ZFAND3: variants seen among roughly 807,000 people sequenced by gnomAD.
The protein encoded by ZFAND3 is AN1-type zinc finger protein 3.
Under a neutral mutation model 29.6 loss-of-function variants are expected in ZFAND3, and 10 were observed. The observed-to-expected ratio is 0.34, with a 90% CI of 0.21 to 0.57. The LOEUF is 0.57. Among genes scored for constraint, ZFAND3 ranks in the 20% least tolerant of loss-of-function variants. ZFAND3 has a pLI of 0.86. For missense variants in ZFAND3, 230 were observed against 304.5 expected (o/e 0.76, Z 1.82); for synonymous variants, 128 against 112.6 (o/e 1.14, Z -0.87).
At chr6:37,928,676 A>G (rs1761536278) in intron 1 of ZFAND3, among the ~76,000 whole-genome samples, 1 of 151,978 alleles carries the variant, frequency 6.6e-6, no homozygotes, top group Non-Finnish European at 1.5e-5. Flanking sequence ...CACCTCTCCC[A>G]GCTAATTTTT....
chr6:37,981,140 TC>T (rs1356750112), intron 2 of ZFAND3, among the ~76,000 whole-genome samples: 2 of 152,244 alleles, frequency 1.3e-5, no homozygotes, highest in Non-Finnish European at 2.9e-5. Flanking sequence ...AGCTGGTAGT[TC>T]CAGCCTAGAG....
chr6:38,094,199 AG>A (rs1561996650), intron 4 of ZFAND3, among the ~76,000 whole-genome samples: 1 of 152,158 alleles, frequency 6.6e-6, no homozygotes, highest in Non-Finnish European at 1.5e-5. Flanking sequence ...GGTATAAGGA[AG>A]GAACTATTGT....
At chr6:38,063,244 T>A (rs1394442062) in intron 3 of ZFAND3, among the ~76,000 whole-genome samples, 2 of 152,134 alleles carry the variant, frequency 1.3e-5, no homozygotes, top group Non-Finnish European at 2.9e-5. Context: ...TTTGGTAATA[T>A]CGAGAATATA....
rs114269328 is a variant in ZFAND3 at position 37,997,174 on chromosome 6, G to A, written c.113-64419G>A. ...ATTTTGCATATAAATAGTAGAAAGGGGTTTAGTTATTTATACTGTTTTCTT... is the reference window on the plus strand; with the variant it reads ...ATTTTGCATATAAATAGTAGAAAGGAGTTTAGTTATTTATACTGTTTTCTT... On this transcript the variant is annotated intron_variant, in intron 2 of 5. Transcript: ENST00000287218. Among the ~76,000 whole-genome samples, 980 of 152,218 alleles carry A rather than the reference G, an allele frequency of 6.4e-3. 11 individuals are homozygous for A. The highest frequency in any genetic ancestry group is 0.022 in the African/African-American group (934 of 41,542).
At chr6:37,987,169 G>T (rs1031180450) in intron 2 of ZFAND3, among the ~76,000 whole-genome samples, 2 of 152,184 alleles carry the variant, frequency 1.3e-5, no homozygotes, top group African/African-American at 4.8e-5. Flanking sequence ...CAGAACAAAG[G>T]AGTGGAGTTA....
At chr6:37,942,975 T>C (rs1281766248) in intron 2 of ZFAND3, among the ~76,000 whole-genome samples, 5 of 152,166 alleles carry the variant, frequency 3.3e-5, no homozygotes, top group African/African-American at 1.2e-4. Flanking sequence ...GTAGAAAGAC[T>C]TGGTGACAGG....
At chr6:37,859,678 A>G (rs947908686) in intron 1 of ZFAND3, among the ~76,000 whole-genome samples, 19 of 152,140 alleles carry the variant, frequency 1.2e-4, no homozygotes, top group African/African-American at 4.6e-4. Context: ...GAATTCATGA[A>G]TGGCTTGCAA....
chr6:38,154,185 C>A lies in ZFAND3; in HGVS notation c.*1796C>A, dbSNP rs1297900722. On this transcript the variant is annotated 3_prime_UTR_variant, in exon 6 of 6. Transcript: ENST00000287218. ...GCCCTTGGCCACCATACGGGCCATC[C>A]TCAGTGAGGCAGCCCCCCATAGGCT... is the stretch of plus-strand genomic sequence containing the variant. 1 of 985,506 alleles carries A rather than the reference C, an allele frequency of 1.0e-6. No homozygotes were observed. Among genetic ancestry groups the A allele is most frequent in the Non-Finnish European group, 1.2e-6 (1 of 830,052 alleles). 61.0% of individuals were successfully genotyped at this position (985,506 alleles called of 1,614,324 possible).
At chr6:37,987,865 T>C (rs1762696570) in intron 2 of ZFAND3, among the ~76,000 whole-genome samples, 1 of 152,238 alleles carries the variant, frequency 6.6e-6, no homozygotes, top group African/African-American at 2.4e-5. Flanking sequence ...AAAGTTGCAT[T>C]ATTACTGTTG....
At chr6:38,057,279 TA>T (rs1349161896) in intron 2 of ZFAND3, among the ~76,000 whole-genome samples, 1 of 152,170 alleles carries the variant, frequency 6.6e-6, no homozygotes, top group Non-Finnish European at 1.5e-5. Context: ...ACATGTAATA[TA>T]AATCTGTTCC....
intron 4 of ZFAND3, among the ~76,000 whole-genome samples, chr6:38,108,648 T>C (rs953085838): frequency 1.3e-5 from 2 of 152,246 alleles, no homozygotes; most frequent in Admixed American, 1.3e-4. Flanking sequence ...TTCTTCCTCC[T>C]GCTGTGTTCT....
intron 3 of ZFAND3, 132 bp downstream of exon 3, chr6:38,061,907 A>G (rs575273770): frequency 4.9e-4 from 523 of 1,058,930 alleles, no homozygotes; most frequent in Non-Finnish European, 6.6e-4. Context: ...TACAAGGCCC[A>G]AGCTCAGCAA....
At chr6:38,041,165 T>C (rs1477202176) in intron 2 of ZFAND3, among the ~76,000 whole-genome samples, 1 of 152,184 alleles carries the variant, frequency 6.6e-6, no homozygotes, top group African/African-American at 2.4e-5. Flanking sequence ...AAATTACGCA[T>C]TTTAGGGAGC....
intron 2 of ZFAND3, among the ~76,000 whole-genome samples, chr6:38,041,243 T>G (rs935745415): frequency 6.6e-6 from 1 of 152,190 alleles, no homozygotes; most frequent in Non-Finnish European, 1.5e-5. Flanking sequence ...GGTAGTGTGC[T>G]CATGTCTCTC....
chr6:38,010,659 G>A (rs1403537532), intron 2 of ZFAND3, among the ~76,000 whole-genome samples: 2 of 150,634 alleles, frequency 1.3e-5, no homozygotes, highest in Non-Finnish European at 2.9e-5. Context: ...GAGTGCAATG[G>A]CGCAATCTCA....
chr6:37,914,768 T>C (rs962119062), intron 1 of ZFAND3, among the ~76,000 whole-genome samples: 2 of 149,920 alleles, frequency 1.3e-5, no homozygotes, highest in Non-Finnish European at 3.0e-5. Flanking sequence ...CCCAAAGTGC[T>C]GGGATTACAG....
chr6:37,855,358 G>A (rs1172408261), intron 1 of ZFAND3, among the ~76,000 whole-genome samples: 1 of 150,266 alleles, frequency 6.7e-6, no homozygotes, highest in African/African-American at 2.5e-5. Flanking sequence ...CACCATGTTG[G>A]CCAGGCTAGT....
intron 2 of ZFAND3, among the ~76,000 whole-genome samples, chr6:38,004,988 G>A (rs894145381): frequency 3.9e-5 from 6 of 152,162 alleles, no homozygotes; most frequent in African/African-American, 1.4e-4. Context: ...TGATTTTCTT[G>A]ACATCACAAA....
At chr6:38,112,666 AT>A (rs201014029) in intron 4 of ZFAND3, among the ~76,000 whole-genome samples, 2 of 151,694 alleles carry the variant, frequency 1.3e-5, no homozygotes, top group African/African-American at 4.8e-5. Flanking sequence ...CCATGTTTGG[AT>A]TTTTTTTTCC....
Sources: gnomAD v4.1 joint callset for allele counts (sites outside exome capture counted in the v4.1 genomes callset) on GRCh38, gnomAD v4.1.1 for gene constraint, MANE v1.5 for transcripts, NCBI Gene and HGNC (gene_info 2026-07-23, HGNC 2026-07-21) for gene names.